The following ARMC7 variants were observed in gnomAD, a reference collection of about 807,000 sequenced individuals.
The protein encoded by ARMC7 is armadillo repeat containing 7.
In ARMC7, 9 loss-of-function variants were observed where a neutral mutation model predicts 14.8. The observed-to-expected ratio is 0.61, with a 90% CI of 0.37 to 1.06. The LOEUF (loss-of-function observed/expected upper bound fraction) is 1.06, where lower values mean the gene tolerates loss of function less well. Ranked by LOEUF, ARMC7 falls within the 50% of genes least tolerant of loss-of-function variation. The pLI, the probability that ARMC7 is intolerant of heterozygous loss-of-function variation, is 0.01. For missense variants in ARMC7, 262 were observed against 267.1 expected, an observed-to-expected ratio of 0.98 and a Z score of 0.13; for synonymous variants, 125 against 123.4, an observed-to-expected ratio of 1.01 and a Z score of -0.09.
intron 2 of ARMC7, among the ~76,000 whole-genome samples, chr17:75,125,049 C>T (rs887645841): frequency 4.6e-5 from 7 of 152,216 alleles, no homozygotes; most frequent in Non-Finnish European, 7.4e-5. Flanking sequence ...TGGGGAGAGG[C>T]GCTCAGTCAG....
At chr17:75,112,710 T>C (rs938805308) in intron 2 of ARMC7, among the ~76,000 whole-genome samples, 4 of 151,144 alleles carry the variant, frequency 2.6e-5, no homozygotes, top group Non-Finnish European at 5.9e-5. Flanking sequence ...CGAGTAGCTG[T>C]GACTACAGGT....
At chr17:75,122,926 G>A (rs967364003) in intron 2 of ARMC7, among the ~76,000 whole-genome samples, 3 of 152,034 alleles carry the variant, frequency 2.0e-5, no homozygotes, top group Admixed American at 6.6e-5. Context: ...CTTAGAGGAG[G>A]TGGCGTCTTA....
chr17:75,129,296 A>G lies in ARMC7; in HGVS notation c.*258A>G, dbSNP rs2074082100. 1.8e-6 allele frequency: 1 copy of G among 546,272 alleles called. No homozygotes were observed. Among genetic ancestry groups the G allele is most frequent in the Admixed American group, 3.5e-5 (1 of 28,962 alleles). The allele number at this position is 546,272 out of a possible 1,614,324, so 33.8% of individuals were successfully genotyped here. A position where few individuals can be genotyped will look rare whatever the true frequency, so the allele number is the denominator to read the frequency against. ...TCTCAATCCTACATCAGGTGCCACC[A>G]CCACCAGACTCAGGCCCTGGTGTAA... On this transcript the variant is annotated 3_prime_UTR_variant, in exon 3 of 3. Coordinates refer to ENST00000245543, the MANE Select transcript of ARMC7 (RefSeq NM_024585.4).
intron 2 of ARMC7, among the ~76,000 whole-genome samples, chr17:75,111,929 T>C (rs1049241300): frequency 6.6e-6 from 1 of 151,380 alleles, no homozygotes; most frequent in African/African-American, 2.5e-5. Context: ...GTGAACAGCT[T>C]AGGGAAAGGT....
intron 2 of ARMC7, among the ~76,000 whole-genome samples, chr17:75,120,154 G>A (rs1205750906): frequency 5.9e-5 from 9 of 151,770 alleles, no homozygotes; most frequent in Non-Finnish European, 1.0e-4. Context: ...ATCCACCCTC[G>A]GCCTCCCAAA....
In ARMC7 at chr17:75,111,674, G is replaced by C. The variant is rs1017058464; in HGVS notation, c.235+1068G>C. ...GATTGCTTAAGCCTGGGAGGTCAAG[G>C]CTGCAGTGAGCTGGGATTGGGCCAC... On this transcript the variant is annotated intron_variant, in intron 2 of 2. Coordinates refer to ENST00000245543, the MANE Select transcript of ARMC7 (RefSeq NM_024585.4). Among the ~76,000 whole-genome samples, 8 of 151,596 alleles carry C rather than the reference G, an allele frequency of 5.3e-5. 1 individual carries two copies. Among genetic ancestry groups the C allele is most frequent in the African/African-American group, 2.0e-4 (8 of 40,990 alleles).
intron 2 of ARMC7, chr17:75,114,166 C>CA (rs1252787201): frequency 5.0e-6 from 2 of 401,264 alleles, no homozygotes; most frequent in East Asian, 7.1e-5. Context: ...TCTGCCCCCA[C>CA]AGCTGCTGCA....
rs537195116 is a variant in ARMC7 at position 75,110,953 on chromosome 17, CAAAAAAAAAA to C, written c.235+362_235+371del. 4.0e-5 allele frequency among the ~76,000 whole-genome samples: 2 copies of C among 49,794 alleles called. 1 individual carries two copies. The highest frequency in any genetic ancestry group is 1.4e-3 in the East Asian group (2 of 1,448). The allele number at this position is 49,794 out of a possible 152,430, so 32.7% of individuals were successfully genotyped here. On this transcript the variant is annotated intron_variant, in intron 2 of 2. Transcript: ENST00000245543. ...CGGGGACAAGAGTGAGACCCCGTCTCAAAAAAAAAAAAAAAAAAAAAAAAGCCGCACACAG... is the reference window on the plus strand; with the variant it reads ...CGGGGACAAGAGTGAGACCCCGTCTCAAAAAAAAAAAAAAGCCGCACACAG...
Position 75,129,231 on chromosome 17 carries a change from CGGA to C in ARMC7, c.*195_*197del. ...GTGAGGAAGCCAGACTCCAGAGACACGGAGAAGATCAAACTGGAGCTGCGTTCA... is the reference window on the plus strand; with the variant it reads ...GTGAGGAAGCCAGACTCCAGAGACACGAAGATCAAACTGGAGCTGCGTTCA... On this transcript the variant is annotated 3_prime_UTR_variant, in exon 3 of 3. Transcript: ENST00000245543. The C allele has an allele frequency of 1.3e-6, 1 of 772,712 alleles. No individual in the cohort carries two copies. Among genetic ancestry groups the C allele is most frequent in the Non-Finnish European group, 2.0e-6 (1 of 501,450 alleles). The allele number at this position is 772,712 out of a possible 1,614,324, so 47.9% of individuals were successfully genotyped here. A position where few individuals can be genotyped will look rare whatever the true frequency, so the allele number is the denominator to read the frequency against.
intron 2 of ARMC7, among the ~76,000 whole-genome samples, chr17:75,125,130 C>T (rs1020613670): frequency 3.9e-5 from 6 of 152,212 alleles, no homozygotes; most frequent in African/African-American, 1.4e-4. Context: ...CCTTCCCTCC[C>T]TCAGATGTGT....
Position 75,129,231 on chromosome 17 carries a change from C to A in ARMC7, c.*193C>A, listed in dbSNP as rs1217782127. On this transcript the variant is annotated 3_prime_UTR_variant, in exon 3 of 3. Transcript: ENST00000245543. ...GTGAGGAAGCCAGACTCCAGAGACACGGAGAAGATCAAACTGGAGCTGCGT... is the reference window on the plus strand; with the variant it reads ...GTGAGGAAGCCAGACTCCAGAGACAAGGAGAAGATCAAACTGGAGCTGCGT... The A allele has an allele frequency of 2.6e-6, 2 of 772,594 alleles. No homozygotes were observed. The highest frequency in any genetic ancestry group is 4.0e-6 in the Non-Finnish European group (2 of 501,458). The allele number at this position is 772,594 out of a possible 1,614,324, so 47.9% of individuals were successfully genotyped here.
intron 2 of ARMC7, among the ~76,000 whole-genome samples, chr17:75,124,974 A>G (rs2074040766): frequency 6.6e-6 from 1 of 152,188 alleles, no homozygotes; most frequent in Non-Finnish European, 1.5e-5. Context: ...CAGCCACGCT[A>G]GGGGCCACCC....
At chr17:75,123,419 T>A (rs1259109851) in intron 2 of ARMC7, among the ~76,000 whole-genome samples, 1 of 150,188 alleles carries the variant, frequency 6.7e-6, no homozygotes, top group African/African-American at 2.5e-5. Context: ...AGCAGTGCGA[T>A]CTCTGCTCAC....
At chr17:75,116,830 G>A (rs969163921) in intron 2 of ARMC7, among the ~76,000 whole-genome samples, 1 of 152,128 alleles carries the variant, frequency 6.6e-6, no homozygotes, top group Non-Finnish European at 1.5e-5. Context: ...TCTGGCTGTC[G>A]CAGGCCAGGA....
Position 75,129,637 on chromosome 17 carries a change from TGTTA to T in ARMC7, c.*601_*604del, listed in dbSNP as rs2074085988. The T allele has an allele frequency of 6.5e-6, 1 of 152,762 alleles. No homozygotes were observed. Among genetic ancestry groups the T allele is most frequent in the South Asian group, 2.1e-4 (1 of 4,844 alleles). 9.5% of individuals were successfully genotyped at this position (152,762 alleles called of 1,614,324 possible). On this transcript the variant is annotated 3_prime_UTR_variant, in exon 3 of 3. Coordinates refer to ENST00000245543, the MANE Select transcript of ARMC7 (RefSeq NM_024585.4). Reference sequence around the variant, plus strand: ...GCATTGACTGTCCACCCAGCCTTGCTGTTAGGCACCATGACTCCAAGATGAAGAT... The same window carrying T: ...GCATTGACTGTCCACCCAGCCTTGCTGGCACCATGACTCCAAGATGAAGAT...
chr17:75,120,203 G>A (rs2074003529), intron 2 of ARMC7, among the ~76,000 whole-genome samples: 1 of 151,954 alleles, frequency 6.6e-6, no homozygotes, highest in South Asian at 2.1e-4. Context: ...CGCCCGGCCA[G>A]CATCACCTCA....
rs537195116 is a variant in ARMC7 at position 75,110,953 on chromosome 17, C to CAAAAA, written c.235+367_235+371dup. 3.0e-4 allele frequency among the ~76,000 whole-genome samples: 15 copies of CAAAAA among 49,800 alleles called. 1 individual carries two copies. The highest frequency in any genetic ancestry group is 1.0e-3 in the African/African-American group (14 of 13,744). 32.7% of individuals were successfully genotyped at this position (49,800 alleles called of 152,430 possible). ...CGGGGACAAGAGTGAGACCCCGTCT[C>CAAAAA]AAAAAAAAAAAAAAAAAAAAAAAAG... On this transcript the variant is annotated intron_variant, in intron 2 of 2. Coordinates refer to ENST00000245543, the MANE Select transcript of ARMC7 (RefSeq NM_024585.4).
intron 2 of ARMC7, chr17:75,114,941 CT>C: frequency 2.6e-6 from 1 of 382,296 alleles, no homozygotes; most frequent in Non-Finnish European, 4.6e-6. Flanking sequence ...CCGACAGGCA[CT>C]TATTCTGCTG....
At chr17:75,116,834 G>A (rs943115428) in intron 2 of ARMC7, among the ~76,000 whole-genome samples, 5 of 152,174 alleles carry the variant, frequency 3.3e-5, no homozygotes, top group East Asian at 3.8e-4. Context: ...GCTGTCGCAG[G>A]CCAGGATGAG....
Sources: allele counts gnomAD v4.1 joint callset (sites outside exome capture counted in the v4.1 genomes callset), GRCh38; gene constraint gnomAD v4.1.1; transcripts MANE v1.5; gene names NCBI Gene and HGNC (gene_info 2026-07-23, HGNC 2026-07-21).